The following TXNDC16 variants were observed in gnomAD, a reference collection of about 807,000 sequenced individuals.
TXNDC16 encodes thioredoxin domain-containing protein 16.
In TXNDC16, 74 loss-of-function variants were observed where a neutral mutation model predicts 85.6. The ratio of observed to expected loss-of-function variants is 0.86; its 90% CI spans 0.72 to 1.05. The LOEUF is 1.05. TXNDC16 is among the 50% of genes least tolerant of loss of function. TXNDC16 has a pLI of 0.00. For missense variants in TXNDC16, 959 were observed against 947.0 expected, an observed-to-expected ratio of 1.01 and a Z score of -0.17; for synonymous variants, 335 against 326.5, an observed-to-expected ratio of 1.03 and a Z score of -0.28.
chr14:52,468,635 T>C (rs1189264389), intron 16 of TXNDC16, among the ~76,000 whole-genome samples: 5 of 152,174 alleles, frequency 3.3e-5, no homozygotes, highest in East Asian at 3.9e-4. Context: ...ACCAGCACTT[T>C]GGGAGGCCAG....
At chr14:52,506,918 A>C (rs1187411186) in intron 9 of TXNDC16, among the ~76,000 whole-genome samples, 2 of 151,416 alleles carry the variant, frequency 1.3e-5, no homozygotes, top group Non-Finnish European at 2.9e-5. Context: ...GTATCTCAAA[A>C]TAATAAGAGC....
chr14:52,497,096 A>G (rs2036549570), intron 9 of TXNDC16, among the ~76,000 whole-genome samples: 1 of 152,142 alleles, frequency 6.6e-6, no homozygotes, highest in Admixed American at 6.5e-5. Context: ...GGGTACAACT[A>G]CCAATATTTT....
intron 6 of TXNDC16, among the ~76,000 whole-genome samples, chr14:52,523,247 A>C (rs879661909): frequency 4.6e-5 from 7 of 152,192 alleles, no homozygotes; most frequent in Non-Finnish European, 7.3e-5. Context: ...CCTGTCCCAG[A>C]AAGGCCTTCA....
chr14:52,479,628 TTC>T (rs1566550017), intron 14 of TXNDC16, among the ~76,000 whole-genome samples: 1 of 151,628 alleles, frequency 6.6e-6, no homozygotes, highest in East Asian at 1.9e-4. Context: ...GGTGAAAGAC[TTC>T]TACAGGGAAA....
At position 52,517,644 on chromosome 14, in the gene TXNDC16, T is replaced by C. The variant is rs569761219; in HGVS notation, c.514+1528A>G. On this transcript the variant is annotated intron_variant, in intron 7 of 20. Coordinates refer to ENST00000281741, the MANE Select transcript of TXNDC16 (RefSeq NM_020784.3). ...TGTGCTCCCACCCAAGAACAACCCC[T>C]GCCCTTGTTCGCTACATTCCATCCT... 5.9e-5 allele frequency among the ~76,000 whole-genome samples: 9 copies of C among 152,228 alleles called. No homozygotes were observed. In the South Asian group the frequency reaches 1.9e-3, roughly 32 times the overall value.
chr14:52,483,020 T>A, intron 12 of TXNDC16, 55 bp from the exon 13 acceptor site: 1 of 1,414,226 alleles, frequency 7.1e-7, no homozygotes, highest in Non-Finnish European at 9.6e-7. Context: ...GAAAACTATT[T>A]AAGCTCTTCT....
intron 6 of TXNDC16, among the ~76,000 whole-genome samples, chr14:52,525,787 T>C (rs528338910): frequency 1.2e-3 from 175 of 150,822 alleles, no homozygotes; most frequent in Non-Finnish European, 2.1e-3. Context: ...AATACAATCA[T>C]CTCTCAGTAT....
chr14:52,455,527 A>G, intron 17 of TXNDC16, 65 bp from the exon 18 acceptor site: 1 of 1,588,524 alleles, frequency 6.3e-7, no homozygotes, highest in Non-Finnish European at 8.6e-7. Context: ...ATGAAAATCT[A>G]GGCTAGGAGG....
intron 9 of TXNDC16, among the ~76,000 whole-genome samples, chr14:52,510,143 T>C (rs1192575809): frequency 6.6e-6 from 1 of 152,172 alleles, no homozygotes; most frequent in Non-Finnish European, 1.5e-5. Context: ...CTTGATAATG[T>C]TCAAAGAACA....
intron 14 of TXNDC16, among the ~76,000 whole-genome samples, chr14:52,473,214 T>C (rs918403396): frequency 6.6e-6 from 1 of 152,094 alleles, no homozygotes; most frequent in African/African-American, 2.4e-5. Context: ...CTCCTCTCTA[T>C]TGAACCTCTG....
chr14:52,499,566 C>G (rs2036608463), intron 9 of TXNDC16, among the ~76,000 whole-genome samples: 1 of 151,366 alleles, frequency 6.6e-6, no homozygotes, highest in African/African-American at 2.4e-5. Flanking sequence ...AAACTCGAAA[C>G]CACCATGAGG....
At chr14:52,483,693 A>T (rs2036201073) in intron 12 of TXNDC16, among the ~76,000 whole-genome samples, 1 of 152,200 alleles carries the variant, frequency 6.6e-6, no homozygotes, top group Non-Finnish European at 1.5e-5. Flanking sequence ...TCAAGTTATG[A>T]GTGGATTCTG....
At chr14:52,542,089 T>C (rs10140899) in intron 4 of TXNDC16, among the ~76,000 whole-genome samples, 46,396 of 151,988 alleles carry the variant, frequency 0.31, 7,500 homozygotes, top group African/African-American at 0.42. Context: ...AACCTAACTA[T>C]AGGTTTGAAA....
At chr14:52,519,353 C>A in intron 6 of TXNDC16, 60 bp from the exon 7 acceptor site, 1 of 1,331,982 alleles carries the variant, frequency 7.5e-7, no homozygotes, top group Non-Finnish European at 1.0e-6. Flanking sequence ...TTACACCACA[C>A]TTCTGTTAAA....
At chr14:52,484,366 T>C (rs946222037) in intron 12 of TXNDC16, among the ~76,000 whole-genome samples, 24 of 152,230 alleles carry the variant, frequency 1.6e-4, no homozygotes, top group Non-Finnish European at 7.3e-5. Context: ...TTCATAGAAC[T>C]AAAGTATTGT....
intron 7 of TXNDC16, 46 bp downstream of exon 7, chr14:52,519,126 T>A: frequency 6.4e-7 from 1 of 1,565,622 alleles, no homozygotes; most frequent in East Asian, 2.3e-5. Flanking sequence ...TCAACATACA[T>A]AAGTACAGAG....
intron 7 of TXNDC16, among the ~76,000 whole-genome samples, chr14:52,516,260 T>C (rs935718271): frequency 2.6e-5 from 4 of 152,152 alleles, no homozygotes; most frequent in African/African-American, 9.7e-5. Context: ...ATCTAACACC[T>C]TCCTGTGAGA....
chr14:52,483,529 A>G (rs560466777), intron 12 of TXNDC16, among the ~76,000 whole-genome samples: 1 of 152,264 alleles, frequency 6.6e-6, no homozygotes, highest in Non-Finnish European at 1.5e-5. Flanking sequence ...GAGACATAAA[A>G]GAGTTGAGCA....
intron 9 of TXNDC16, among the ~76,000 whole-genome samples, chr14:52,506,118 G>C (rs2036793169): frequency 6.6e-6 from 1 of 152,170 alleles, no homozygotes; most frequent in Non-Finnish European, 1.5e-5. Flanking sequence ...GGACCAGATG[G>C]ATTCACAGCC....
Sources: gnomAD v4.1 joint callset for allele counts (sites outside exome capture counted in the v4.1 genomes callset) on GRCh38, gnomAD v4.1.1 for gene constraint, MANE v1.5 for transcripts, NCBI Gene and HGNC (gene_info 2026-07-23, HGNC 2026-07-21) for gene names.